MGST1: variants seen among roughly 807,000 people sequenced by gnomAD.
MGST1 encodes glutathione S-transferase 12.
A neutral mutation model predicts 8.9 loss-of-function variants in MGST1; 5 were observed. The ratio of observed to expected loss-of-function variants is 0.56; its 90% CI spans 0.29 to 1.19. MGST1 has a LOEUF of 1.19. Among genes scored for constraint, MGST1 ranks in the 50% most tolerant of loss-of-function variants. MGST1 has a pLI of 0.08. For synonymous variants in MGST1, 54 were observed against 67.8 expected, an observed-to-expected ratio of 0.80 and a Z score of 1.00; for missense variants, 182 against 187.4, an observed-to-expected ratio of 0.97 and a Z score of 0.17.
chr12:16,440,393 C>G (rs1941029135), downstream of MGST1, among the ~76,000 whole-genome samples: 1 of 151,754 alleles, frequency 6.6e-6, no homozygotes, highest in Admixed American at 6.6e-5. Context: ...CCTTTCTAGC[C>G]AATACCTTCT....
In MGST1 at chr12:16,544,748, G is replaced by T. The variant is rs1396189272; in HGVS notation, n.483-44780G>T. Reference sequence around the variant, plus strand: ...GCATACATACTATTCTAGTCAATTTGGGAAAAAGCACTGGGTTATGAAAAA... The same window carrying T: ...GCATACATACTATTCTAGTCAATTTTGGAAAAAGCACTGGGTTATGAAAAA... On this transcript the variant is annotated intron_variant and non_coding_transcript_variant, in intron 4 of 4. Transcript: ENST00000538857. The surrounding 1 kb of genome is among the most constrained non-coding windows in gnomAD (Gnocchi z 4.8). Among the ~76,000 whole-genome samples, 1 of 151,978 alleles carries T rather than the reference G, an allele frequency of 6.6e-6. No individual in the cohort carries two copies. Among genetic ancestry groups the T allele is most frequent in the African/African-American group, 2.4e-5 (1 of 41,392 alleles).
intron 1 of MGST1, among the ~76,000 whole-genome samples, chr12:16,393,373 A>C (rs1940570827): frequency 6.6e-6 from 1 of 152,194 alleles, no homozygotes; most frequent in African/African-American, 2.4e-5. Flanking sequence ...GTAAAGTGAA[A>C]GAGGAGGTTA....
intron 4 of MGST1, among the ~76,000 whole-genome samples, chr12:16,505,060 GTATT>G (rs888828192): frequency 3.9e-5 from 6 of 151,930 alleles, no homozygotes; most frequent in African/African-American, 1.5e-4. Flanking sequence ...AAATTATTTT[GTATT>G]TATTTTTCTT....
intron 4 of MGST1, among the ~76,000 whole-genome samples, chr12:16,495,539 A>T (rs190608784): frequency 6.6e-6 from 1 of 152,282 alleles, no homozygotes; most frequent in East Asian, 1.9e-4. Flanking sequence ...TGGAACTTTG[A>T]TGCTCATGGT....
At chr12:16,488,667 T>G (rs1356840586) in intron 4 of MGST1, among the ~76,000 whole-genome samples, 2 of 152,096 alleles carry the variant, frequency 1.3e-5, no homozygotes, top group African/African-American at 4.8e-5. Context: ...TAATACATAT[T>G]ATTTTAATGT....
chr12:16,412,256 T>C lies in MGST1; in HGVS notation n.779-25132T>C, dbSNP rs117172720. Among the ~76,000 whole-genome samples the C allele has an allele frequency of 1.2e-3, 190 of 152,210 alleles. 2 individuals carry two copies. The East Asian group carries it at 0.031, about 25-fold the overall frequency. ...CTGAATCATACTTACATCTGTAATG[T>C]AGAGGATGGTAATACCTACCTGAGA... On this transcript the variant is annotated intron_variant and non_coding_transcript_variant, in intron 1 of 1. Coordinates refer to the MGST1 transcript ENST00000359720.
intron 4 of MGST1, among the ~76,000 whole-genome samples, chr12:16,456,580 T>C (rs1328002013): frequency 6.6e-6 from 1 of 151,958 alleles, no homozygotes; most frequent in East Asian, 1.9e-4. Flanking sequence ...TCAGTAGTTA[T>C]TTCTACAATA....
At chr12:16,392,758 A>C (rs2137053731) in intron 1 of MGST1, among the ~76,000 whole-genome samples, 1 of 152,286 alleles carries the variant, frequency 6.6e-6, no homozygotes. Context: ...CTAGATATAT[A>C]CAAAGATATA....
Position 16,546,053 on chromosome 12 carries a change from A to T in MGST1, n.483-43475A>T, listed in dbSNP as rs1385161002. Among the ~76,000 whole-genome samples, 1 of 152,118 alleles carries T rather than the reference A, an allele frequency of 6.6e-6. No individual in the cohort carries two copies. Among genetic ancestry groups the T allele is most frequent in the Non-Finnish European group, 1.5e-5 (1 of 67,972 alleles). Reference sequence around the variant, plus strand: ...AACCTGGCTGTGCTTTCATTTTAATAGTACCTGTGTCACAGGGGTGTTGTG... The same window carrying T: ...AACCTGGCTGTGCTTTCATTTTAATTGTACCTGTGTCACAGGGGTGTTGTG... On this transcript the variant is annotated intron_variant and non_coding_transcript_variant, in intron 4 of 4. Coordinates refer to the MGST1 transcript ENST00000538857. The surrounding 1 kb of genome is among the most constrained non-coding windows in gnomAD (Gnocchi z 4.7).
chr12:16,537,340 C>T lies in MGST1; in HGVS notation n.483-52188C>T, dbSNP rs965777440. Among the ~76,000 whole-genome samples the T allele has an allele frequency of 6.6e-6, 1 of 152,210 alleles. No individual in the cohort carries two copies. The highest frequency in any genetic ancestry group is 2.4e-5 in the African/African-American group (1 of 41,458). On this transcript the variant is annotated intron_variant and non_coding_transcript_variant, in intron 4 of 4. Transcript: ENST00000538857. This position sits in a 1 kb window ranked among gnomAD's most constrained non-coding sequence, Gnocchi z 4.6. The stretch of plus-strand genomic sequence containing the variant: ...TATGGCTTTGCAGGGTACAGCCCCT[C>T]TCCTGGCTGCTTTCATGGGCTGGTT...
intron 1 of MGST1, among the ~76,000 whole-genome samples, chr12:16,386,144 A>G (rs1940501994): frequency 1.3e-5 from 2 of 152,188 alleles, no homozygotes; most frequent in African/African-American, 4.8e-5. Flanking sequence ...GCACTGGTCA[A>G]TAAACCAGTC....
chr12:16,395,576 C>T (rs1940596605), intron 1 of MGST1, among the ~76,000 whole-genome samples: 1 of 151,742 alleles, frequency 6.6e-6, no homozygotes, highest in Non-Finnish European at 1.5e-5. Context: ...ACCCCCTCCC[C>T]CACTTCCCCC....
chr12:16,512,381 T>G (rs1229694212), intron 4 of MGST1, among the ~76,000 whole-genome samples: 3 of 152,216 alleles, frequency 2.0e-5, no homozygotes, highest in Non-Finnish European at 4.4e-5. Context: ...ATTACAAAAT[T>G]TTTAGATAAT....
At chr12:16,356,153 C>T (rs1749529943) in intron 2 of MGST1, among the ~76,000 whole-genome samples, 2 of 152,136 alleles carry the variant, frequency 1.3e-5, no homozygotes, top group South Asian at 4.2e-4. Flanking sequence ...ACTATCACAT[C>T]GAAGATTAGG....
chr12:16,363,696 T>A lies in MGST1; in HGVS notation c.222-99T>A. On this transcript the variant is annotated intron_variant, in intron 3 of 3. Transcript: ENST00000396210. The surrounding 1 kb of genome is among the most constrained non-coding windows in gnomAD (Gnocchi z 4.6). ...TAAATCTTACTTTGAAATTTAAGGA[T>A]CCATTAGTGCTCAGATTTAGTTTTT... 3 of 988,452 alleles carry A rather than the reference T, an allele frequency of 3.0e-6. No homozygotes were observed. Among genetic ancestry groups the A allele is most frequent in the Non-Finnish European group, 4.2e-6 (3 of 706,254 alleles). 61.2% of individuals were successfully genotyped at this position (988,452 alleles called of 1,614,324 possible). A position where few individuals can be genotyped will look rare whatever the true frequency, so the allele number is the denominator to read the frequency against.
At chr12:16,496,674 A>G (rs531448930) in intron 4 of MGST1, among the ~76,000 whole-genome samples, 1 of 151,950 alleles carries the variant, frequency 6.6e-6, no homozygotes, top group African/African-American at 2.4e-5. Context: ...TGTCATCTTT[A>G]TGTCTATGAA....
intron 3 of MGST1, among the ~76,000 whole-genome samples, chr12:16,359,194 G>A (rs4149195): frequency 0.81 from 122,933 of 152,102 alleles, 50,445 homozygotes; most frequent in Non-Finnish European, 0.89. Flanking sequence ...GGCCTTCAGC[G>A]TCCTCTCTTT....
chr12:16,373,494 A>T (rs1041102590), intron 3 of MGST1, among the ~76,000 whole-genome samples: 1 of 152,112 alleles, frequency 6.6e-6, no homozygotes, highest in Non-Finnish European at 1.5e-5. Context: ...TGATTGTATC[A>T]AGATATTATA....
rs1941519408 is a variant in MGST1, at chr12:16,503,627, A to C, written n.483-85901A>C. ...ACTTAATTCTGGAGGTAGGGCTTGA[A>C]CCCCAGACCGAAAGGAGGGCTAGTT... is the stretch of plus-strand genomic sequence containing the variant. On this transcript the variant is annotated intron_variant and non_coding_transcript_variant, in intron 4 of 4. Transcript: ENST00000538857. This position sits in a 1 kb window ranked among gnomAD's most constrained non-coding sequence, Gnocchi z 4.8. Among the ~76,000 whole-genome samples the C allele has an allele frequency of 6.6e-6, 1 of 152,022 alleles. No individual in the cohort carries two copies. Among genetic ancestry groups the C allele is most frequent in the Non-Finnish European group, 1.5e-5 (1 of 68,002 alleles).
Sources: allele counts gnomAD v4.1 joint callset (sites outside exome capture counted in the v4.1 genomes callset), GRCh38; gene constraint gnomAD v4.1.1; non-coding constraint Gnocchi (gnomAD v3.1); transcripts MANE v1.5; gene names NCBI Gene and HGNC (gene_info 2026-07-23, HGNC 2026-07-21).